SDAD1: variants seen among roughly 807,000 people sequenced by gnomAD.
SDAD1 encodes the protein protein SDA1 homolog.
SDAD1 carries 79 observed loss-of-function variants against 100.3 expected under a neutral mutation model. That is an observed-to-expected ratio of 0.79 (90% confidence interval 0.66 to 0.95). SDAD1 has a LOEUF of 0.95. SDAD1 is among the 40% of genes least tolerant of loss of function. SDAD1 has a pLI of 0.00. For synonymous variants in SDAD1, 267 were observed against 271.4 expected (o/e 0.98, Z 0.16); for missense variants, 790 against 810.9 (o/e 0.97, Z 0.31).
intron 17 of SDAD1, among the ~76,000 whole-genome samples, chr4:75,958,357 G>C (rs536348398): frequency 6.6e-6 from 1 of 152,168 alleles, no homozygotes; most frequent in South Asian, 2.1e-4. Context: ...TCCTGGCCAC[G>C]CAGCAGGCAT....
chr4:75,975,812 T>C lies in SDAD1; in HGVS notation c.510A>G (p.Arg170=). ...VLQNFMYTML[R]DSNATAAKMS... ...TCTTGGCTGCGGTTGCATTGCTATC[T>C]CTTAACATGGTGTACATGAAATTTT... is the stretch of plus-strand genomic sequence containing the variant. The change falls in exon 6 of 22, where the codon AGA becomes AGG. Residue 170 remains arginine (R), a synonymous_variant. Transcript: ENST00000356260. 2 of 1,614,020 alleles carry C rather than the reference T, an allele frequency of 1.2e-6. No individual in the cohort carries two copies. The highest frequency in any genetic ancestry group is 1.7e-6 in the Non-Finnish European group (2 of 1,179,928).
chr4:75,955,278 C>T (rs1447908284), intron 21 of SDAD1, among the ~76,000 whole-genome samples: 1 of 152,234 alleles, frequency 6.6e-6, no homozygotes, highest in Non-Finnish European at 1.5e-5. Context: ...CCCACTCTCA[C>T]TAAACTTAAT....
chr4:75,966,267 T>TACACACACAC (rs375225256), intron 12 of SDAD1, among the ~76,000 whole-genome samples: 169 of 139,270 alleles, frequency 1.2e-3, no homozygotes, highest in Middle Eastern at 3.5e-3. Flanking sequence ...AATGAATGCA[T>TACACACACAC]ACACACACAC....
intron 15 of SDAD1, 41 bp from the exon 16 acceptor site, chr4:75,961,145 A>C (rs201266930): frequency 1.2e-6 from 2 of 1,608,204 alleles, no homozygotes; most frequent in Middle Eastern, 1.6e-4. Context: ...TGGCCCATAG[A>C]GTACAATGAG....
chr4:75,963,590 GGA>G (rs1729373757), intron 14 of SDAD1, among the ~76,000 whole-genome samples: 1 of 152,092 alleles, frequency 6.6e-6, no homozygotes, highest in African/African-American at 2.4e-5. Context: ...AGTTCAAAGA[GGA>G]GAGACTCTTA....
chr4:75,958,002 AG>A, intron 17 of SDAD1, 61 bp from the exon 18 acceptor site: 1 of 1,328,212 alleles, frequency 7.5e-7, no homozygotes, highest in Non-Finnish European at 1.1e-6. Flanking sequence ...CATAAAGTTG[AG>A]ATGAAGCAAG....
chr4:75,990,138 A>G (rs1263024962), intron 1 of SDAD1, among the ~76,000 whole-genome samples: 1 of 152,142 alleles, frequency 6.6e-6, no homozygotes, highest in African/African-American at 2.4e-5. Context: ...GCCCATCACA[A>G]TGAGGGCCTA....
In SDAD1 at chr4:75,957,868, G is replaced by A. The variant is rs537531110; in HGVS notation, c.1557C>T (p.Ser519=). Residue 519 remains serine (S), a synonymous_variant, in exon 18 of 22, where the codon TCC becomes TCT. Transcript: ENST00000356260. ...TTACGATTTCTTGCTGTTCTTCATC[G>A]GAAGAGTGTTGCACATCAATCCATT... ...DGEWIDVQHS[S]DEEQQEISKK... The A allele has an allele frequency of 1.2e-5, 19 of 1,613,818 alleles. No individual in the cohort carries two copies. The highest frequency in any genetic ancestry group is 1.0e-4 in the Admixed American group (6 of 60,016).
At chr4:75,976,982 G>A (rs1730192157) in intron 4 of SDAD1, among the ~76,000 whole-genome samples, 2 of 152,072 alleles carry the variant, frequency 1.3e-5, no homozygotes, top group African/African-American at 4.8e-5. Flanking sequence ...ATACAGCAGT[G>A]GTCTTGCTGT....
intron 8 of SDAD1, among the ~76,000 whole-genome samples, chr4:75,971,940 T>G (rs992792648): frequency 2.8e-4 from 12 of 42,238 alleles, no homozygotes; most frequent in Admixed American, 2.4e-3. Flanking sequence ...TGTAGCACTA[T>G]TTTTTTTTTT....
intron 21 of SDAD1, among the ~76,000 whole-genome samples, chr4:75,953,489 A>C (rs1728722969): frequency 6.6e-6 from 1 of 152,212 alleles, no homozygotes; most frequent in Admixed American, 6.5e-5. Context: ...AATGTGGCAA[A>C]ATTTAGAGTA....
chr4:75,981,132 TATG>T (rs560037513), intron 3 of SDAD1, among the ~76,000 whole-genome samples: 1 of 152,166 alleles, frequency 6.6e-6, no homozygotes, highest in Non-Finnish European at 1.5e-5. Flanking sequence ...CTGAAAACAA[TATG>T]ATATCAGAAA....
At chr4:75,959,838 G>A (rs1466131404) in intron 17 of SDAD1, among the ~76,000 whole-genome samples, 1 of 152,086 alleles carries the variant, frequency 6.6e-6, no homozygotes, top group Non-Finnish European at 1.5e-5. Flanking sequence ...TTGGATGAGC[G>A]GCAGCCACCC....
At position 75,990,876 on chromosome 4, in the gene SDAD1, TAA is replaced by T. The variant is rs769796073; in HGVS notation, c.-37_-36del. 6.2e-7 allele frequency: 1 copy of T among 1,613,738 alleles called. No individual in the cohort carries two copies. The highest frequency in any genetic ancestry group is 1.3e-5 in the African/African-American group (1 of 75,008). On this transcript the variant is annotated 5_prime_UTR_variant, in exon 1 of 22. Transcript: ENST00000356260. ...AGACAGACTTCGCGGCGAGCAGTTT[TAA>T]AAAAACTCAGACGGCCGGCACCCCG...
At chr4:75,960,384 C>T (rs1028938752) in intron 16 of SDAD1, among the ~76,000 whole-genome samples, 192 bp from the exon 17 acceptor site, 2 of 152,168 alleles carry the variant, frequency 1.3e-5, no homozygotes, top group Non-Finnish European at 2.9e-5. Flanking sequence ...TCAAGGGATC[C>T]ACCCACCTCA....
chr4:75,979,751 G>A (rs1475965155), intron 3 of SDAD1, among the ~76,000 whole-genome samples: 4 of 151,886 alleles, frequency 2.6e-5, no homozygotes, highest in Admixed American at 2.0e-4. Flanking sequence ...CACCGCGCCT[G>A]GCGGAAATCT....
intron 21 of SDAD1, among the ~76,000 whole-genome samples, chr4:75,955,068 T>C (rs2149306898): frequency 6.6e-6 from 1 of 152,312 alleles, no homozygotes; most frequent in Non-Finnish European, 1.5e-5. Context: ...GATTAATATC[T>C]TGCTAAACGT....
intron 2 of SDAD1, 38 bp downstream of exon 2, chr4:75,981,895 G>A (rs779490969): frequency 5.7e-5 from 77 of 1,347,862 alleles, no homozygotes; most frequent in Admixed American, 5.3e-5. Flanking sequence ...CAAACTGTGT[G>A]TTAATACTGG....
chr4:75,982,301 G>A (rs942937108), intron 1 of SDAD1, among the ~76,000 whole-genome samples: 8 of 152,194 alleles, frequency 5.3e-5, no homozygotes, highest in African/African-American at 1.9e-4. Flanking sequence ...TAAGAACAGA[G>A]AAGCATGAAT....
Sources: allele counts gnomAD v4.1 joint callset (sites outside exome capture counted in the v4.1 genomes callset), GRCh38; gene constraint gnomAD v4.1.1; transcripts MANE v1.5; gene names NCBI Gene and HGNC (gene_info 2026-07-23, HGNC 2026-07-21).